Variants in MCF2L2 observed in about 807,000 individuals in gnomAD.
MCF2L2 encodes probable guanine nucleotide exchange factor MCF2L2.
Under a neutral mutation model 150.2 loss-of-function variants are expected in MCF2L2, and 102 were observed. That is an observed-to-expected ratio of 0.68 (90% CI 0.58 to 0.80). The LOEUF (loss-of-function observed/expected upper bound fraction) is 0.80. Ranked by LOEUF, MCF2L2 falls within the 30% of genes least tolerant of loss-of-function variation. The pLI is 0.00. For synonymous variants in MCF2L2, 465 were observed against 491.3 expected, an observed-to-expected ratio of 0.95 and a Z score of 0.71; for missense variants, 1,256 against 1,372.8, an observed-to-expected ratio of 0.91 and a Z score of 1.34.
chr3:183,278,197 T>A (rs1036067329), intron 14 of MCF2L2, among the ~76,000 whole-genome samples: 8 of 141,822 alleles, frequency 5.6e-5, no homozygotes, highest in African/African-American at 1.8e-4. Context: ...AGAAAAAATA[T>A]ATATATATAT....
chr3:183,233,300 C>T (rs1317643016), intron 15 of MCF2L2, among the ~76,000 whole-genome samples: 2 of 149,992 alleles, frequency 1.3e-5, no homozygotes, highest in Admixed American at 6.7e-5. Flanking sequence ...TGCAGTGAGC[C>T]GAGATCACAC....
At position 183,219,923 on chromosome 3, in the gene MCF2L2, C is replaced by T. The variant is rs1327835346; in HGVS notation, c.2303G>A (p.Gly768Asp). 6.2e-7 allele frequency: 1 copy of T among 1,611,376 alleles called. No individual in the cohort carries two copies. The change falls in exon 21 of 30, where the codon GGT becomes GAT. Residue 768 changes from glycine (G) to aspartate (D), a missense_variant and splice_region_variant. By Grantham distance (94) the Gly-to-Asp change is moderately conservative. Transcript: ENST00000328913. ...TTCAGGAGACTCGAAATCCAGCAGA[C>T]CCTGCATTAACCCAAAAGTCTTGTT... ...RLIKYQMLLK[G>D]LLDFESPEDM...
rs191831255 is a variant in MCF2L2, at chr3:183,303,327, G to A, written c.1114-3131C>T. Among the ~76,000 whole-genome samples the A allele has an allele frequency of 7.9e-5, 12 of 152,274 alleles. No homozygotes were observed. The East Asian group carries it at 9.6e-4, about 12-fold the overall frequency. ...AATGAGCCAATGAGCTACATGATGC[G>A]GTGACCTGCTTGGCTGGAACTCTGT... On this transcript the variant is annotated intron_variant, in intron 10 of 29. Coordinates refer to ENST00000328913, the MANE Select transcript of MCF2L2 (RefSeq NM_015078.4).
At chr3:183,222,418 C>T (rs1206574882) in intron 20 of MCF2L2, among the ~76,000 whole-genome samples, 2 of 152,070 alleles carry the variant, frequency 1.3e-5, no homozygotes, top group African/African-American at 4.8e-5. Flanking sequence ...GGCATGGCGG[C>T]GCGTGCCTGT....
intron 15 of MCF2L2, chr3:183,253,098 A>ACAAGAACAAACTGGGGCGGGGCCCATCAC (rs1724651628): frequency 6.6e-6 from 1 of 152,168 alleles, no homozygotes; most frequent in Admixed American, 6.5e-5. Flanking sequence ...TCATCTACAG[A>ACAAGAACAAACTGGGGCGGGGCCCATCAC]CAAGAACAAA....
intron 15 of MCF2L2, chr3:183,273,359 A>G (rs16857229): frequency 0.019 from 4,216 of 218,162 alleles, 190 homozygotes; most frequent in African/African-American, 0.088. Context: ...AAAAATCTAT[A>G]GTTTCCAATA....
chr3:183,179,135 T>C lies in MCF2L2; in HGVS notation c.*245A>G, dbSNP rs765491632. On this transcript the variant is annotated 3_prime_UTR_variant, in exon 30 of 30. Coordinates refer to ENST00000328913, the MANE Select transcript of MCF2L2 (RefSeq NM_015078.4). This position sits in a 1 kb window ranked among gnomAD's most constrained non-coding sequence, Gnocchi z 4.2. Reference sequence around the variant, plus strand: ...ATCGAAGTGCGCGGTCGAGAAGGCGTGGGCTGCGGGCTCTGCTCGCCTCTG... The same window carrying C: ...ATCGAAGTGCGCGGTCGAGAAGGCGCGGGCTGCGGGCTCTGCTCGCCTCTG... 7.2e-6 allele frequency: 3 copies of C among 414,744 alleles called. No homozygotes were observed. The highest frequency in any genetic ancestry group is 1.2e-5 in the Non-Finnish European group (3 of 241,372). 25.7% of individuals were successfully genotyped at this position (414,744 alleles called of 1,614,324 possible). A position where few individuals can be genotyped will look rare whatever the true frequency, so the allele number is the denominator to read the frequency against.
In MCF2L2 at chr3:183,205,898, C is replaced by T; in HGVS notation, c.2862G>A (p.Met954Ile). The change falls in exon 25 of 30, where the codon ATG becomes ATA. Residue 954 changes from methionine (M) to isoleucine (I), a missense_variant. Transcript: ENST00000328913. ...CWFSEISKLLMEQQNNIKDQG... is the reference protein window; with the variant it reads ...CWFSEISKLLIEQQNNIKDQG... Reference sequence around the variant, plus strand: ...TACCTTTGATATTATTTTGTTGTTCCATCAATAATTTACTTATTTCTGAAA... The same window carrying T: ...TACCTTTGATATTATTTTGTTGTTCTATCAATAATTTACTTATTTCTGAAA... The T allele has an allele frequency of 6.2e-7, 1 of 1,613,716 alleles. No individual in the cohort carries two copies. Among genetic ancestry groups the T allele is most frequent in the African/African-American group, 1.3e-5 (1 of 75,012 alleles).
chr3:183,333,647 A>C (rs1244184336), intron 5 of MCF2L2, among the ~76,000 whole-genome samples: 2 of 152,158 alleles, frequency 1.3e-5, no homozygotes, highest in African/African-American at 4.8e-5. Context: ...CCTCACTTAA[A>C]TATACATCTT....
chr3:183,371,168 C>A (rs1447520058), intron 3 of MCF2L2, among the ~76,000 whole-genome samples: 1 of 152,198 alleles, frequency 6.6e-6, no homozygotes, highest in Non-Finnish European at 1.5e-5. Flanking sequence ...TTTCCATTGC[C>A]TTCTGTGAAC....
intron 9 of MCF2L2, chr3:183,310,547 C>A: frequency 3.6e-6 from 1 of 279,774 alleles, no homozygotes. Flanking sequence ...CCTGTAATTC[C>A]AGCTACTTGG....
chr3:183,406,195 A>T (rs537292665), intron 1 of MCF2L2, among the ~76,000 whole-genome samples: 1 of 152,286 alleles, frequency 6.6e-6, no homozygotes, highest in Admixed American at 6.5e-5. Context: ...ACCATTTTAC[A>T]TTCCTACCAA....
At chr3:183,412,630 G>C (rs765931511) in intron 1 of MCF2L2, among the ~76,000 whole-genome samples, 32 of 152,200 alleles carry the variant, frequency 2.1e-4, no homozygotes, top group Non-Finnish European at 4.0e-4. Flanking sequence ...GGATTCCCTA[G>C]GATTTTCTAT....
chr3:183,309,003 C>T (rs988475886), intron 10 of MCF2L2, among the ~76,000 whole-genome samples: 5 of 152,194 alleles, frequency 3.3e-5, no homozygotes, highest in South Asian at 2.1e-4. Context: ...TGGAAAGAGA[C>T]GACTCAGCTT....
At chr3:183,360,979 A>G (rs1373461153) in intron 3 of MCF2L2, among the ~76,000 whole-genome samples, 1 of 125,114 alleles carries the variant, frequency 8.0e-6, no homozygotes, top group African/African-American at 4.5e-5. Flanking sequence ...AAAAGAAAAG[A>G]AAAGAAAAGA....
At chr3:183,352,504 T>C (rs1160444333) in intron 3 of MCF2L2, among the ~76,000 whole-genome samples, 1 of 151,988 alleles carries the variant, frequency 6.6e-6, no homozygotes. Flanking sequence ...GCCTGGGCGA[T>C]AGAGAGAGAC....
intron 15 of MCF2L2, among the ~76,000 whole-genome samples, chr3:183,259,413 G>C (rs1725380396): frequency 6.6e-6 from 1 of 152,132 alleles, no homozygotes; most frequent in Non-Finnish European, 1.5e-5. Context: ...ATTGATAGGA[G>C]AACTTGTATT....
rs779980886 is a variant in MCF2L2 at position 183,392,341 on chromosome 3, G to A, written c.77-2562C>T. On this transcript the variant is annotated intron_variant, in intron 1 of 29. Coordinates refer to ENST00000328913, the MANE Select transcript of MCF2L2 (RefSeq NM_015078.4). ...CTAAGAGGGCAAACCTCGGCCACGC[G>A]TGATAGAGTTCCCAGACCCTTGGCC... Among the ~76,000 whole-genome samples the A allele has an allele frequency of 7.2e-5, 11 of 152,224 alleles. No homozygotes were observed. The East Asian group carries it at 7.7e-4, about 11-fold the overall frequency.
intron 13 of MCF2L2, among the ~76,000 whole-genome samples, chr3:183,295,008 C>T (rs1728412620): frequency 6.6e-6 from 1 of 152,104 alleles, no homozygotes; most frequent in Admixed American, 6.5e-5. Flanking sequence ...GATAATCCAC[C>T]CGCCACGGCC....
Sources: gnomAD v4.1 joint callset for allele counts (sites outside exome capture counted in the v4.1 genomes callset) on GRCh38, gnomAD v4.1.1 for gene constraint, Gnocchi (gnomAD v3.1) non-coding constraint, MANE v1.5 for transcripts, NCBI Gene and HGNC (gene_info 2026-07-23, HGNC 2026-07-21) for gene names.